Variants in PCSK6 observed in about 807,000 individuals in gnomAD.
PCSK6 encodes the protein proprotein convertase subtilisin/kexin type 6, also known as paired basic amino acid cleaving enzyme 4.
A neutral mutation model predicts 123.3 loss-of-function variants in PCSK6; 85 were observed. The observed-to-expected ratio is 0.69, with a 90% CI of 0.58 to 0.83. The LOEUF is 0.83. PCSK6 is among the 40% of genes least tolerant of loss of function. The pLI is 0.00. For missense variants in PCSK6, 1,191 were observed against 1,282.3 expected (o/e 0.93, Z 1.09); for synonymous variants, 508 against 516.0 (o/e 0.98, Z 0.21).
In PCSK6 at chr15:101,426,445, G is replaced by C. The variant is rs145893655; in HGVS notation, c.823+1447C>G. Among the ~76,000 whole-genome samples, 15 of 152,314 alleles carry C rather than the reference G, an allele frequency of 9.8e-5. No individual in the cohort carries two copies. The East Asian group carries it at 2.9e-3, about 29-fold the overall frequency. On this transcript the variant is annotated intron_variant, in intron 6 of 21. Transcript: ENST00000611716. ...CAGGGCTCTGCACCCATCATCAAAGGCTCCAGGGAGAACTTATATATCTCA... is the reference window on the plus strand; with the variant it reads ...CAGGGCTCTGCACCCATCATCAAAGCCTCCAGGGAGAACTTATATATCTCA...
chr15:101,481,822 G>GT, intron 1 of PCSK6, among the ~76,000 whole-genome samples: 1 of 152,362 alleles, frequency 6.6e-6, no homozygotes, highest in East Asian at 1.9e-4. Flanking sequence ...TGACTGAAAT[G>GT]TGAGTGACTC....
intron 1 of PCSK6, among the ~76,000 whole-genome samples, chr15:101,484,676 C>A (rs2057976931): frequency 6.6e-6 from 1 of 152,246 alleles, no homozygotes; most frequent in Admixed American, 6.5e-5. Context: ...CAGGCGTGAG[C>A]CACCACGCCC....
At chr15:101,353,911 A>C (rs1269762600) in intron 13 of PCSK6, among the ~76,000 whole-genome samples, 1 of 152,224 alleles carries the variant, frequency 6.6e-6, no homozygotes, top group Admixed American at 6.5e-5. Context: ...CTTCCACAAA[A>C]GGAGAATCTA....
At chr15:101,409,190 G>A (rs1418801839) in intron 6 of PCSK6, among the ~76,000 whole-genome samples, 1 of 152,200 alleles carries the variant, frequency 6.6e-6, no homozygotes, top group Non-Finnish European at 1.5e-5. Context: ...GAGCGCGGGG[G>A]CTCATGCCTG....
intron 11 of PCSK6, among the ~76,000 whole-genome samples, chr15:101,380,351 G>A (rs189781629): frequency 4.1e-3 from 620 of 152,326 alleles, no homozygotes; most frequent in Non-Finnish European, 5.5e-3. Flanking sequence ...GAGCGGAGGC[G>A]CCGGGGCAGA....
intron 1 of PCSK6, among the ~76,000 whole-genome samples, chr15:101,456,203 T>C (rs183887058): frequency 2.7e-4 from 41 of 152,084 alleles, no homozygotes; most frequent in Non-Finnish European, 1.5e-5. Flanking sequence ...CAGATCATCC[T>C]ACTCCAGGGA....
intron 2 of PCSK6, among the ~76,000 whole-genome samples, chr15:101,441,294 G>T (rs1052396933): frequency 1.3e-5 from 2 of 152,014 alleles, no homozygotes; most frequent in African/African-American, 4.8e-5. Flanking sequence ...ACCTAAAATG[G>T]GTCAATCAAG....
chr15:101,363,796 A>T (rs942142750), intron 13 of PCSK6, among the ~76,000 whole-genome samples: 4 of 142,702 alleles, frequency 2.8e-5, no homozygotes, highest in African/African-American at 5.2e-5. Context: ...TGCCTGGCTA[A>T]TTTTTTTTTT....
chr15:101,480,251 G>A (rs1005677772), intron 1 of PCSK6, among the ~76,000 whole-genome samples: 1 of 152,222 alleles, frequency 6.6e-6, no homozygotes, highest in African/African-American at 2.4e-5. Context: ...AAATACAAGA[G>A]CCCCCGAGGA....
intron 21 of PCSK6, among the ~76,000 whole-genome samples, chr15:101,306,891 C>A (rs949863024): frequency 6.6e-6 from 1 of 152,182 alleles, no homozygotes; most frequent in Non-Finnish European, 1.5e-5. Flanking sequence ...TATGTCGTCA[C>A]ATCCGGGCCA....
At chr15:101,402,084 G>A (rs2042605304) in intron 6 of PCSK6, among the ~76,000 whole-genome samples, 1 of 150,734 alleles carries the variant, frequency 6.6e-6, no homozygotes, top group Admixed American at 6.6e-5. Flanking sequence ...ATAGATCAAT[G>A]GAACAGAACA....
chr15:101,366,309 C>T lies in PCSK6; in HGVS notation c.1745G>A (p.Gly582Glu), dbSNP rs1330778803. The change falls in exon 13 of 22, where the codon GGG becomes GAG. Residue 582 changes from glycine (G) to glutamate (E), a missense_variant. Coordinates refer to ENST00000611716, the MANE Select transcript of PCSK6 (RefSeq NM_002570.5). ...AGTCATGAATTCCCAGTTTGTAAAC[C>T]CTTCATTGGAAAGATCCAGCAACCT... Reference protein sequence around the residue: ...AKRLLDLSNEGFTNWEFMTVH... With the variant: ...AKRLLDLSNEEFTNWEFMTVH... 6.2e-7 allele frequency: 1 copy of T among 1,612,904 alleles called. No homozygotes were observed. Among genetic ancestry groups the T allele is most frequent in the Non-Finnish European group, 8.5e-7 (1 of 1,179,430 alleles).
chr15:101,398,720 T>C lies in PCSK6; in HGVS notation c.824-144A>G. The C allele has an allele frequency of 1.1e-6, 1 of 869,626 alleles. No individual in the cohort carries two copies. 53.9% of individuals were successfully genotyped at this position (869,626 alleles called of 1,614,324 possible). A position where few individuals can be genotyped will look rare whatever the true frequency, so the allele number is the denominator to read the frequency against. On this transcript the variant is annotated intron_variant, in intron 6 of 21. Transcript: ENST00000611716. This position sits in a 1 kb window ranked among gnomAD's most constrained non-coding sequence, Gnocchi z 4.6. ...GCTGTTCCCAGTCATTCTGCAAAAC[T>C]GGCTCCTCTTCTCCATGCTGGCTGA...
intron 13 of PCSK6, among the ~76,000 whole-genome samples, chr15:101,349,158 T>C (rs2040826460): frequency 6.6e-6 from 1 of 152,158 alleles, no homozygotes; most frequent in Non-Finnish European, 1.5e-5. Context: ...CCAAGCCCTG[T>C]GGGAACTTCC....
In PCSK6 at chr15:101,412,239, A is replaced by G. The variant is rs930636310; in HGVS notation, c.824-13663T>C. Reference sequence around the variant, plus strand: ...GAAGTCAGGTATAGCCTCATAACATAATGCAAAAATGTACAGGTTTCAAAG... The same window carrying G: ...GAAGTCAGGTATAGCCTCATAACATGATGCAAAAATGTACAGGTTTCAAAG... On this transcript the variant is annotated intron_variant, in intron 6 of 21. Transcript: ENST00000611716. Among the ~76,000 whole-genome samples the G allele has an allele frequency of 7.3e-4, 111 of 152,338 alleles. 1 individual carries two copies. Among genetic ancestry groups the G allele is most frequent in the African/African-American group, 2.5e-3 (104 of 41,580 alleles).
intron 19 of PCSK6, among the ~76,000 whole-genome samples, chr15:101,316,918 T>TTTGTTTTG (rs2040005174): frequency 6.8e-6 from 1 of 146,582 alleles, no homozygotes; most frequent in African/African-American, 2.7e-5. Context: ...CTGTTTTTTT[T>TTTGTTTTG]TTTTTTTTTT....
intron 1 of PCSK6, among the ~76,000 whole-genome samples, chr15:101,453,408 C>A (rs566504714): frequency 6.6e-6 from 1 of 152,196 alleles, no homozygotes; most frequent in Non-Finnish European, 1.5e-5. Context: ...CCCTGCTGCT[C>A]GCTAACTTCC....
intron 13 of PCSK6, among the ~76,000 whole-genome samples, chr15:101,356,064 A>G (rs1027030943): frequency 6.6e-6 from 1 of 152,214 alleles, no homozygotes; most frequent in African/African-American, 2.4e-5. Flanking sequence ...TGAAGCATAC[A>G]TGTTTCTCAG....
At chr15:101,319,994 A>T (rs1044137398) in intron 18 of PCSK6, among the ~76,000 whole-genome samples, 22 of 152,062 alleles carry the variant, frequency 1.4e-4, no homozygotes, top group Admixed American at 1.4e-3. Flanking sequence ...GGGACTCGTG[A>T]TTGACATCAA....
Sources: allele counts gnomAD v4.1 joint callset (sites outside exome capture counted in the v4.1 genomes callset), GRCh38; gene constraint gnomAD v4.1.1; non-coding constraint Gnocchi (gnomAD v3.1); transcripts MANE v1.5; gene names NCBI Gene and HGNC (gene_info 2026-07-23, HGNC 2026-07-21).